The following ZNF600 variants were observed in gnomAD, a reference collection of about 807,000 sequenced individuals.
ZNF600 encodes the protein zinc finger protein KR-ZNF1.
Under a neutral mutation model 7.3 loss-of-function variants are expected in ZNF600, and 4 were observed. That is an observed-to-expected ratio of 0.55 (90% CI 0.27 to 1.25). The LOEUF is 1.25. Among genes scored for constraint, ZNF600 ranks in the 50% most tolerant of loss-of-function variants. ZNF600 has a pLI of 0.12. For missense variants in ZNF600, 911 were observed against 922.1 expected (o/e 0.99, Z 0.16); for synonymous variants, 290 against 308.9 (o/e 0.94, Z 0.64).
chr19:52,832,809 T>C, the ZNF600 span, among the ~76,000 whole-genome samples: 1 of 152,026 alleles, frequency 6.6e-6, no homozygotes, highest in Non-Finnish European at 1.5e-5. Context: ...TCTTGCCCTG[T>C]TGCCTAGGCT....
At chr19:52,814,245 C>A in the ZNF600 span, 1 of 145,776 alleles carries the variant, frequency 6.9e-6, no homozygotes, top group Admixed American at 6.9e-5. Flanking sequence ...GCGTTACCAC[C>A]AAACAAATAT....
chr19:52,801,744 A>G, the ZNF600 span: 2 of 1,536,570 alleles, frequency 1.3e-6, no homozygotes, highest in Non-Finnish European at 8.9e-7. Context: ...TGAAGTACAG[A>G]TGGTGTATAA....
At chr19:52,801,120 T>C in the ZNF600 span, 1 of 1,614,144 alleles carries the variant, frequency 6.2e-7, no homozygotes, top group Non-Finnish European at 8.5e-7. Flanking sequence ...ACATTTACAT[T>C]GTTTCTCTTC....
At chr19:52,823,858 T>C in the ZNF600 span, among the ~76,000 whole-genome samples, 3 of 151,944 alleles carry the variant, frequency 2.0e-5, no homozygotes, top group Non-Finnish European at 4.4e-5. Context: ...AGGTCGGAAG[T>C]TGGAGACCGG....
chr19:52,790,976 C>G (rs543720589), upstream of ZNF600, among the ~76,000 whole-genome samples: 1 of 152,174 alleles, frequency 6.6e-6, no homozygotes, highest in South Asian at 2.1e-4. Context: ...CCACCACACC[C>G]AGACCAACAT....
chr19:52,808,544 G>A, the ZNF600 span, among the ~76,000 whole-genome samples: 6 of 151,292 alleles, frequency 4.0e-5, no homozygotes, highest in Non-Finnish European at 7.4e-5. Context: ...GGCTGAGGCA[G>A]AATTGCCTGA....
At chr19:52,808,502 T>A in the ZNF600 span, among the ~76,000 whole-genome samples, 1 of 152,040 alleles carries the variant, frequency 6.6e-6, no homozygotes, top group East Asian at 1.9e-4. Context: ...CTGGGCACAG[T>A]GACACATGTC....
chr19:52,792,073 G>C, the ZNF600 span, among the ~76,000 whole-genome samples: 1 of 152,202 alleles, frequency 6.6e-6, no homozygotes, highest in Admixed American at 6.5e-5. Flanking sequence ...TTTGAAAAAT[G>C]CCTCTAGACT....
the ZNF600 span, among the ~76,000 whole-genome samples, chr19:52,822,315 G>A: frequency 2.0e-5 from 3 of 152,028 alleles, no homozygotes; most frequent in South Asian, 2.1e-4. Flanking sequence ...CAAGTGATCC[G>A]ACTGCCTTGG....
chr19:52,793,062 C>A, the ZNF600 span, among the ~76,000 whole-genome samples: 1 of 150,768 alleles, frequency 6.6e-6, no homozygotes, highest in African/African-American at 2.4e-5. Flanking sequence ...AACACTTTAA[C>A]GTCAATTAAT....
chr19:52,771,233 G>A (rs554906351), intron 3 of ZNF600, among the ~76,000 whole-genome samples: 2 of 152,220 alleles, frequency 1.3e-5, no homozygotes, highest in South Asian at 4.2e-4. Context: ...GCTAAACCAC[G>A]AAGAAGGCTC....
chr19:52,778,606 C>A (rs2062695348), intron 2 of ZNF600, among the ~76,000 whole-genome samples: 1 of 152,164 alleles, frequency 6.6e-6, no homozygotes, highest in African/African-American at 2.4e-5. Context: ...GTGAGCCCTT[C>A]CCAGGACCAT....
chr19:52,788,615 G>T (rs1205434956), upstream of ZNF600, among the ~76,000 whole-genome samples: 1 of 152,052 alleles, frequency 6.6e-6, no homozygotes, highest in Non-Finnish European at 1.5e-5. Context: ...TTGAGGTCTT[G>T]CTCCCTCCTG....
At chr19:52,826,195 T>C in the ZNF600 span, among the ~76,000 whole-genome samples, 8 of 151,868 alleles carry the variant, frequency 5.3e-5, no homozygotes, top group Non-Finnish European at 1.0e-4. Context: ...GCCGATTTCT[T>C]GTTTTAAAAG....
At chr19:52,765,906 T>G (rs2062568234) in exon 4 of ZNF600, 1 of 1,614,140 alleles carries the variant, frequency 6.2e-7, no homozygotes, top group East Asian at 2.2e-5. Flanking sequence ...ATTAAAAGCC[T>G]TCCCACATTC....
chr19:52,793,763 G>GCC, the ZNF600 span, among the ~76,000 whole-genome samples: 34 of 99,526 alleles, frequency 3.4e-4, 1 homozygote, highest in African/African-American at 1.3e-3. Context: ...GCCAAACTCT[G>GCC]CCACACACAC....
chr19:52,819,029 A>G, the ZNF600 span, among the ~76,000 whole-genome samples: 1 of 142,422 alleles, frequency 7.0e-6, no homozygotes, highest in Non-Finnish European at 1.5e-5. Context: ...CCTAGATCTG[A>G]AGGAGAAAGG....
At chr19:52,803,208 C>T in the ZNF600 span, among the ~76,000 whole-genome samples, 1 of 152,100 alleles carries the variant, frequency 6.6e-6, no homozygotes, top group Non-Finnish European at 1.5e-5. Context: ...TTCTGAGCAC[C>T]TGGGAATGCA....
downstream of ZNF600, chr19:52,764,165 T>C (rs2062550381): frequency 6.6e-6 from 1 of 152,060 alleles, no homozygotes; most frequent in Non-Finnish European, 1.5e-5. Context: ...GGAAGTCTAT[T>C]GAACAATGAG....
Sources: allele counts gnomAD v4.1 joint callset (sites outside exome capture counted in the v4.1 genomes callset), GRCh38; gene constraint gnomAD v4.1.1; transcripts MANE v1.5; gene names NCBI Gene and HGNC (gene_info 2026-07-23, HGNC 2026-07-21).